The following DOK7 variants were observed in gnomAD, a reference collection of about 807,000 sequenced individuals.
DOK7 encodes the protein protein Dok-7.
A neutral mutation model predicts 30.7 loss-of-function variants in DOK7; 32 were observed. That is an observed-to-expected ratio of 1.04 (90% CI 0.79 to 1.40). DOK7 has a LOEUF of 1.40. Ranked by LOEUF, DOK7 falls within the 40% of genes most tolerant of loss-of-function variation. The probability of loss-of-function intolerance (pLI) is 0.00; values close to 1 mark genes in which losing one functional copy is unlikely to be tolerated. For synonymous variants in DOK7, 447 were observed against 324.1 expected (o/e 1.38, Z -4.07); for missense variants, 1,007 against 699.2 (o/e 1.44, Z -4.97).
At chr4:3,497,935 C>G (rs1729002722), downstream of DOK7, among the ~76,000 whole-genome samples, 5 of 152,298 alleles carry the variant, frequency 3.3e-5, no homozygotes, top group South Asian at 1.0e-3. Flanking sequence ...CACCCGTACC[C>G]TTCAGATGTC....
intron 4 of DOK7, among the ~76,000 whole-genome samples, chr4:3,481,181 C>T (rs1727424015): frequency 6.6e-6 from 1 of 151,446 alleles, no homozygotes; most frequent in African/African-American, 2.4e-5. Context: ...TTTGTTTGCA[C>T]CATTGTCTCG....
intron 6 of DOK7, among the ~76,000 whole-genome samples, chr4:3,491,848 C>T (rs909293082): frequency 6.6e-6 from 1 of 152,190 alleles, no homozygotes; most frequent in African/African-American, 2.4e-5. Context: ...GCAGGAGGGG[C>T]CGCTGTGCTC....
chr4:3,501,016 C>G (rs1183401062), exon 8 of DOK7: 30 of 882,912 alleles, frequency 3.4e-5, no homozygotes, highest in Non-Finnish European at 4.2e-5. Flanking sequence ...CCTCCTGCCT[C>G]ACAGGTGTCC....
chr4:3,500,853 AC>A (rs1240406825), exon 8 of DOK7: 2 of 1,515,316 alleles, frequency 1.3e-6, no homozygotes, highest in African/African-American at 2.8e-5. Flanking sequence ...CTGACCGCAA[AC>A]CCGGTGCGCT....
chr4:3,484,030 C>T (rs929928723), intron 4 of DOK7, among the ~76,000 whole-genome samples: 2 of 152,226 alleles, frequency 1.3e-5, no homozygotes, highest in African/African-American at 4.8e-5. Context: ...CCCTCACCCA[C>T]AGTAGGACTG....
chr4:3,496,793 C>T, downstream of DOK7: 1 of 1,535,554 alleles, frequency 6.5e-7, no homozygotes, highest in Non-Finnish European at 8.7e-7. Context: ...CTGAAGGATG[C>T]ACTGACCCAG....
downstream of DOK7, chr4:3,496,928 A>C: frequency 1.4e-6 from 1 of 732,466 alleles, no homozygotes; most frequent in Non-Finnish European, 1.9e-6. Flanking sequence ...GTGGGCGCAG[A>C]TGGCAGCCAG....
intron 4 of DOK7, among the ~76,000 whole-genome samples, chr4:3,483,345 CG>C: frequency 8.6e-6 from 1 of 115,706 alleles, no homozygotes; most frequent in Non-Finnish European, 1.8e-5. Flanking sequence ...TGGGTGGGAG[CG>C]GGGGTGGAGC....
chr4:3,494,594 C>G, downstream of DOK7: 1 of 906,526 alleles, frequency 1.1e-6, no homozygotes, highest in Non-Finnish European at 1.3e-6. Context: ...GCCTTTATCT[C>G]AGAGAGTGCG....
chr4:3,464,842 G>T (rs764701360), intron 2 of DOK7, among the ~76,000 whole-genome samples: 1 of 152,176 alleles, frequency 6.6e-6, no homozygotes, highest in Admixed American at 6.5e-5. Context: ...GTGCTCCCCC[G>T]GCCGGTGAGT....
intron 4 of DOK7, 73 bp downstream of exon 4, chr4:3,476,615 G>T (rs909622102): frequency 1.3e-6 from 2 of 1,592,864 alleles, no homozygotes; most frequent in East Asian, 4.5e-5. Context: ...CTGGCTTCGG[G>T]CCGGCCGACC....
chr4:3,470,356 C>T (rs1282982284), intron 2 of DOK7, among the ~76,000 whole-genome samples: 3 of 152,208 alleles, frequency 2.0e-5, no homozygotes, highest in Non-Finnish European at 2.9e-5. Context: ...GGAGTGGACA[C>T]GTCTTGCTGG....
At position 3,489,751 on chromosome 4, in the gene DOK7, A is replaced by C; in HGVS notation, c.727A>C (p.Lys243Gln). The change falls in exon 6 of 7, where the codon AAG becomes CAG. Residue 243 changes from lysine (K) to glutamine (Q), a missense_variant. Physicochemically the swap from Lys to Gln is moderately conservative, Grantham distance 53. Coordinates refer to ENST00000340083, the MANE Select transcript of DOK7 (RefSeq NM_173660.5). Reference sequence around the variant, plus strand: ...AGCCCTGGAAACCCTACAGCTGGAGAAGCGGCTGAGCCTCCTCTCACATGC... The same window carrying C: ...AGCCCTGGAAACCCTACAGCTGGAGCAGCGGCTGAGCCTCCTCTCACATGC... ...QEALETLQLE[K>Q]RLSLLSHAGR... 1 of 1,571,052 alleles carries C rather than the reference A, an allele frequency of 6.4e-7. No homozygotes were observed. Among genetic ancestry groups the C allele is most frequent in the South Asian group, 1.2e-5 (1 of 85,538 alleles).
In DOK7 at chr4:3,463,518, T is replaced by C; in HGVS notation, c.67T>C (p.Trp23Arg). 8.1e-7 allele frequency: 1 copy of C among 1,235,998 alleles called. No homozygotes were observed. Among genetic ancestry groups the C allele is most frequent in the Non-Finnish European group, 1.0e-6 (1 of 972,662 alleles). 76.6% of individuals were successfully genotyped at this position (1,235,998 alleles called of 1,614,324 possible). Residue 23 changes from tryptophan (W) to arginine (R), a missense_variant, in exon 2 of 7, where the codon TGG becomes CGG. Transcript: ENST00000340083. ...CCTGTCCCCGCAGTGGAAGAGTAGG[T>C]GGCTGGTGCTGCGGAAGCCGTCGCC... ...LRDGKKWKSR[W>R]LVLRKPSPVA...
At position 3,476,226 on chromosome 4, in the gene DOK7, G is replaced by A. The variant is rs563602472; in HGVS notation, c.332-116G>A. 0.023 allele frequency: 4,022 copies of A among 178,162 alleles called. 200 individuals are homozygous for A. Among genetic ancestry groups the A allele is most frequent in the African/African-American group, 0.21 (2,203 of 10,604 alleles). 11.0% of individuals were successfully genotyped at this position (178,162 alleles called of 1,614,324 possible). A position where few individuals can be genotyped will look rare whatever the true frequency, so the allele number is the denominator to read the frequency against. On this transcript the variant is annotated intron_variant, in intron 3 of 6. Coordinates refer to ENST00000340083, the MANE Select transcript of DOK7 (RefSeq NM_173660.5). The stretch of plus-strand genomic sequence containing the variant: ...CCCGCCCATGATGCCCTCTCGCCCC[G>A]CCTGCCCGTGATGCCCTCTCACCCC...
chr4:3,500,658 G>C lies in DOK7; in HGVS notation c.1262-34G>C, dbSNP rs529055508. 45 of 1,535,688 alleles carry C rather than the reference G, an allele frequency of 2.9e-5. No homozygotes were observed. The East Asian group carries it at 3.2e-4, about 11-fold the overall frequency. ...GGGTCACAGGGCTGGGTGGCTCGGGGCGCAGGCTGCCGCTCACTACAGAAT... is the reference window on the plus strand; with the variant it reads ...GGGTCACAGGGCTGGGTGGCTCGGGCCGCAGGCTGCCGCTCACTACAGAAT... On this transcript the variant is annotated intron_variant, in intron 7 of 7. Transcript: ENST00000643608.
chr4:3,490,761 C>T (rs1288123533), intron 6 of DOK7, among the ~76,000 whole-genome samples: 3 of 114,820 alleles, frequency 2.6e-5, no homozygotes, highest in Non-Finnish European at 3.5e-5. Context: ...CCTGCTCATT[C>T]CTTCTTTCCT....
chr4:3,468,211 TGTGC>T (rs1472775808), intron 2 of DOK7, among the ~76,000 whole-genome samples: 3 of 148,588 alleles, frequency 2.0e-5, no homozygotes, highest in African/African-American at 7.8e-5. Context: ...AGTGTGTGTG[TGTGC>T]ATGTGAATAC....
chr4:3,486,977 G>A (rs1452783093), intron 5 of DOK7, among the ~76,000 whole-genome samples: 1 of 152,116 alleles, frequency 6.6e-6, no homozygotes, highest in Non-Finnish European at 1.5e-5. Flanking sequence ...TGCCAGGGAG[G>A]GTTTGCCTGG....
Sources: allele counts gnomAD v4.1 joint callset (sites outside exome capture counted in the v4.1 genomes callset), GRCh38; gene constraint gnomAD v4.1.1; transcripts MANE v1.5; gene names NCBI Gene and HGNC (gene_info 2026-07-23, HGNC 2026-07-21).